THOC1: variants seen among roughly 807,000 people sequenced by gnomAD.
The protein encoded by THOC1 is THO complex subunit 1.
Under a neutral mutation model 97.3 loss-of-function variants are expected in THOC1, and 29 were observed. The ratio of observed to expected loss-of-function variants is 0.30; its 90% CI spans 0.22 to 0.41. The LOEUF (loss-of-function observed/expected upper bound fraction) is 0.41. THOC1 is among the 10% of genes least tolerant of loss of function. The pLI is 1.00. For missense variants in THOC1, 529 were observed against 761.9 expected, an observed-to-expected ratio of 0.69 and a Z score of 3.60; for synonymous variants, 255 against 257.0, an observed-to-expected ratio of 0.99 and a Z score of 0.07.
At chr18:250,113 T>G (rs544914075) in intron 9 of THOC1, among the ~76,000 whole-genome samples, 13 of 152,352 alleles carry the variant, frequency 8.5e-5, no homozygotes, top group Middle Eastern at 6.8e-3. Flanking sequence ...TTTAATTGGC[T>G]TGGTGGGTAT....
chr18:214,784 T>C lies in THOC1; in HGVS notation c.1816A>G (p.Ser606Gly). The C allele has an allele frequency of 6.2e-7, 1 of 1,613,994 alleles. No individual in the cohort carries two copies. The highest frequency in any genetic ancestry group is 1.7e-5 in the Admixed American group (1 of 60,020). ...TTAGCTCTCATCTTCATGTCTTCAC[T>C]GTCACACTCAATCTGCCTAATTTCT... Reference protein sequence around the residue: ...DSEIRQIECDSEDMKMRAKQL... With the variant: ...DSEIRQIECDGEDMKMRAKQL... Residue 606 changes from serine (S) to glycine (G), a missense_variant, in exon 21 of 21, where the codon AGT becomes GGT. Ser to Gly is a moderately conservative substitution (Grantham distance 56, BLOSUM62 0). Coordinates refer to ENST00000261600, the MANE Select transcript of THOC1 (RefSeq NM_005131.3).
In THOC1 at chr18:224,912, G is replaced by C. The variant is rs987455233; in HGVS notation, c.1208+12C>G. ...TGAGTATGTATTTACCTTTCTTTCA[G>C]TATGTATTTACCTTTCTTTCACAAA... On this transcript the variant is annotated intron_variant, in intron 15 of 20. Coordinates refer to ENST00000261600, the MANE Select transcript of THOC1 (RefSeq NM_005131.3). 1.3e-6 allele frequency: 2 copies of C among 1,559,612 alleles called. No homozygotes were observed. Among genetic ancestry groups the C allele is most frequent in the Non-Finnish European group, 1.7e-6 (2 of 1,148,992 alleles).
Position 236,046 on chromosome 18 carries a change from T to C in THOC1, c.919-9145A>G, listed in dbSNP as rs1420712669. On this transcript the variant is annotated intron_variant, in intron 11 of 20. Transcript: ENST00000261600. ...ACCTTGGTGGTTCATTCCTTTATTA[T>C]GTAGTGTTTCTTGTCCTATTTATAC... Among the ~76,000 whole-genome samples the C allele has an allele frequency of 4.6e-5, 7 of 152,352 alleles. No homozygotes were observed. The East Asian group carries it at 1.3e-3, about 29-fold the overall frequency.
At chr18:249,041 C>T (rs1362334139) in intron 9 of THOC1, among the ~76,000 whole-genome samples, 4 of 152,186 alleles carry the variant, frequency 2.6e-5, no homozygotes, top group African/African-American at 7.2e-5. Flanking sequence ...TGTACCACTG[C>T]ACCCGGCCTA....
intron 11 of THOC1, among the ~76,000 whole-genome samples, chr18:233,339 C>T (rs1254967612): frequency 6.6e-6 from 1 of 152,164 alleles, no homozygotes; most frequent in African/African-American, 2.4e-5. Context: ...GTAATCCCAG[C>T]ACTTTGGGAG....
Position 254,231 on chromosome 18 carries a change from C to T in THOC1, c.603+42G>A. The T allele has an allele frequency of 7.2e-7, 1 of 1,396,936 alleles. No individual in the cohort carries two copies. The highest frequency in any genetic ancestry group is 1.0e-6 in the Non-Finnish European group (1 of 1,004,806). 86.5% of individuals were successfully genotyped at this position (1,396,936 alleles called of 1,614,324 possible). On this transcript the variant is annotated intron_variant, in intron 8 of 20. Transcript: ENST00000261600. This position sits in a 1 kb window ranked among gnomAD's most constrained non-coding sequence, Gnocchi z 4.1. ...CTGGACCCACTATCTTAATAACAAA[C>T]TTGCAAATATGTTATCTGAGAAGAT...
At chr18:267,943 G>A (rs376052236) in intron 1 of THOC1, 23 bp downstream of exon 1, 68 of 1,607,182 alleles carry the variant, frequency 4.2e-5, no homozygotes, top group Middle Eastern at 1.6e-4. Context: ...GGTCAGGCCT[G>A]CACCCTCCCC....
intron 17 of THOC1, among the ~76,000 whole-genome samples, chr18:219,558 G>A (rs142389148): frequency 5.3e-5 from 8 of 152,238 alleles, no homozygotes; most frequent in African/African-American, 1.9e-4. Flanking sequence ...TTACAGTTTT[G>A]ATTACGTGGG....
intron 11 of THOC1, chr18:245,503 A>T (rs1029162206): frequency 2.6e-5 from 4 of 152,260 alleles, no homozygotes; most frequent in Non-Finnish European, 5.9e-5. Flanking sequence ...CTAGGCTCAC[A>T]ACTTCCTATA....
At chr18:225,832 ATTG>A (rs779781633) in intron 12 of THOC1, 1 of 157,818 alleles carries the variant, frequency 6.3e-6, no homozygotes, top group African/African-American at 2.4e-5. Context: ...GCAAACCCAA[ATTG>A]TTAATAGCTG....
intron 19 of THOC1, 70 bp from the exon 20 acceptor site, chr18:215,574 G>T: frequency 7.9e-7 from 1 of 1,264,014 alleles, no homozygotes; most frequent in Non-Finnish European, 1.1e-6. Context: ...TATTTTGTTT[G>T]GATAAGGACG....
At chr18:252,188 C>G (rs566240400) in intron 9 of THOC1, among the ~76,000 whole-genome samples, 116 of 152,248 alleles carry the variant, frequency 7.6e-4, no homozygotes, top group African/African-American at 2.6e-3. Context: ...TCTTAACTTG[C>G]CTATTTCATT....
chr18:252,370 A>G (rs982427757), intron 9 of THOC1, among the ~76,000 whole-genome samples, 169 bp downstream of exon 9: 1 of 152,232 alleles, frequency 6.6e-6, no homozygotes, highest in African/African-American at 2.4e-5. Context: ...CAGCAGATAA[A>G]GCCCATTAGT....
At chr18:249,529 G>A (rs1466880411) in intron 9 of THOC1, among the ~76,000 whole-genome samples, 1 of 152,072 alleles carries the variant, frequency 6.6e-6, no homozygotes, top group African/African-American at 2.4e-5. Flanking sequence ...AGGCATTGTG[G>A]TGCGTGCTTG....
Position 267,974 on chromosome 18 carries a change from G to A in THOC1, c.46C>T (p.Arg16Trp). 1 of 1,611,754 alleles carries A rather than the reference G, an allele frequency of 6.2e-7. No individual in the cohort carries two copies. The highest frequency in any genetic ancestry group is 8.5e-7 in the Non-Finnish European group (1 of 1,179,152). Residue 16 changes from arginine to tryptophan, a missense_variant, in exon 1 of 21, where the codon CGG becomes TGG. By Grantham distance (101) the Arg-to-Trp change is moderately radical (BLOSUM62 -3). Coordinates refer to ENST00000261600, the MANE Select transcript of THOC1 (RefSeq NM_005131.3). ...TCCCCTCTACAGCTCACCGTAAACC[G>A]CGTCCGCGCTTCGGGCAAACTGAAG... ...PLFSLPEART[R>W]FTKSTREALN...
At chr18:233,496 G>T (rs1050115635) in intron 11 of THOC1, among the ~76,000 whole-genome samples, 1 of 152,200 alleles carries the variant, frequency 6.6e-6, no homozygotes, top group African/African-American at 2.4e-5. Flanking sequence ...TGAGGCAAGA[G>T]AATCACTTGA....
intron 11 of THOC1, among the ~76,000 whole-genome samples, chr18:228,912 A>C (rs752031914): frequency 8.5e-5 from 13 of 152,168 alleles, no homozygotes; most frequent in Non-Finnish European, 1.6e-4. Flanking sequence ...CCTACTCTTC[A>C]CAGTAATGAT....
intron 11 of THOC1, among the ~76,000 whole-genome samples, chr18:233,802 C>G (rs1214425284): frequency 6.6e-6 from 1 of 152,120 alleles, no homozygotes; most frequent in Non-Finnish European, 1.5e-5. Flanking sequence ...GGTTTTCTTA[C>G]TCTTGGCTCT....
intron 18 of THOC1, 80 bp from the exon 19 acceptor site, chr18:216,713 T>C: frequency 6.8e-7 from 1 of 1,464,142 alleles, no homozygotes; most frequent in Non-Finnish European, 9.0e-7. Flanking sequence ...CCATGTGTAA[T>C]TCTGTATTTA....
Sources: allele counts gnomAD v4.1 joint callset (sites outside exome capture counted in the v4.1 genomes callset), GRCh38; gene constraint gnomAD v4.1.1; non-coding constraint Gnocchi (gnomAD v3.1); transcripts MANE v1.5; gene names NCBI Gene and HGNC (gene_info 2026-07-23, HGNC 2026-07-21).